Variants in CIC observed in about 807,000 individuals in gnomAD.
CIC encodes capicua transcriptional repressor, also known as protein capicua homolog.
CIC carries 18 observed loss-of-function variants against 115.7 expected under a neutral mutation model. The ratio of observed to expected loss-of-function variants is 0.16; its 90% CI spans 0.11 to 0.23. The LOEUF (loss-of-function observed/expected upper bound fraction) is 0.23, where lower values mean the gene tolerates loss of function less well. CIC is among the 10% of genes least tolerant of loss of function. CIC has a pLI of 1.00. For synonymous variants in CIC, 1,076 were observed against 923.0 expected, an observed-to-expected ratio of 1.17 and a Z score of -3.01; for missense variants, 2,000 against 2,159.3, an observed-to-expected ratio of 0.93 and a Z score of 1.46.
intron 2 of CIC, among the ~76,000 whole-genome samples, chr19:42,275,987 G>A (rs1181848026): frequency 2.0e-5 from 3 of 152,186 alleles, no homozygotes; most frequent in Non-Finnish European, 2.9e-5. Context: ...GGTCAGGGAT[G>A]GGGTGGAGGA....
chr19:42,293,518 A>G (rs770517380), intron 16 of CIC, 74 bp from the exon 17 acceptor site: 178 of 1,609,082 alleles, frequency 1.1e-4, no homozygotes, highest in Non-Finnish European at 1.4e-4. Flanking sequence ...GCTCAGATCC[A>G]ACTCTTTGTT....
chr19:42,293,348 T>C, intron 16 of CIC, 67 bp downstream of exon 16: 7 of 1,479,072 alleles, frequency 4.7e-6, no homozygotes, highest in Non-Finnish European at 6.4e-6. Context: ...ACGTCTTTGC[T>C]TTTCTGTCCT....
chr19:42,284,831 A>G, intron 2 of CIC: 16 of 1,393,998 alleles, frequency 1.1e-5, no homozygotes, highest in Non-Finnish European at 1.6e-5. Context: ...CTAAGTGCGG[A>G]GTAACGGTGG....
intron 2 of CIC, among the ~76,000 whole-genome samples, chr19:42,281,140 G>T (rs1208256419): frequency 6.6e-6 from 1 of 151,322 alleles, no homozygotes; most frequent in Non-Finnish European, 1.5e-5. Flanking sequence ...CCCGGGGTGG[G>T]TGGGTGGGTG....
In CIC at chr19:42,289,065, G is replaced by T. The variant is rs1318843742; in HGVS notation, c.3836G>T (p.Ser1279Ile). 9.9e-6 allele frequency: 16 copies of T among 1,613,686 alleles called. No individual in the cohort carries two copies. The highest frequency in any genetic ancestry group is 1.4e-5 in the Non-Finnish European group (16 of 1,180,036). ...VHSLDGGEVD[S>I]QALQELTQMV... ...AGCCTGGACGGCGGAGAAGTAGACA[G>T]TCAGGCGCTACAGGAACTGACGCAG... is the stretch of plus-strand genomic sequence containing the variant. The change falls in exon 8 of 21, where the codon AGT (serine) becomes ATT (isoleucine). Residue 1279 changes from serine to isoleucine, a missense_variant. Physicochemically the swap from Ser to Ile is moderately radical, Grantham distance 142 (BLOSUM62 -2). Around this residue, in one of 8 missense-constraint regions of CIC, gnomAD observed 1,466 missense variants for 1,390.4 expected, o/e 1.05. Transcript: ENST00000681038.
rs1293850657 is a variant in CIC, at chr19:42,270,166, C to A, written c.-11+785C>A. 1.3e-5 allele frequency among the ~76,000 whole-genome samples: 2 copies of A among 152,180 alleles called. No individual in the cohort carries two copies. The highest frequency in any genetic ancestry group is 2.4e-5 in the African/African-American group (1 of 41,428). ...AGATCTCAGTCCCCAACATGGTAGTCTAGTGGGTCAGCGGGTATTAGGTGG... is the reference window on the plus strand; with the variant it reads ...AGATCTCAGTCCCCAACATGGTAGTATAGTGGGTCAGCGGGTATTAGGTGG... On this transcript the variant is annotated intron_variant, in intron 1 of 20. Transcript: ENST00000681038. This position sits in a 1 kb window ranked among gnomAD's most constrained non-coding sequence, Gnocchi z 4.1.
intron 2 of CIC, among the ~76,000 whole-genome samples, chr19:42,285,907 A>T (rs2037605690): frequency 6.6e-6 from 1 of 152,236 alleles, no homozygotes; most frequent in Admixed American, 6.5e-5. Context: ...GCATATCCTC[A>T]AGGAAACACC....
At chr19:42,281,852 G>T (rs1476962089) in intron 2 of CIC, among the ~76,000 whole-genome samples, 1 of 152,172 alleles carries the variant, frequency 6.6e-6, no homozygotes, top group African/African-American at 2.4e-5. Context: ...CAGATGTGTG[G>T]GGCCCTCTTT....
rs1225499195 is a variant in CIC at position 42,286,808 on chromosome 19, C to T, written c.2832C>T (p.Phe944=). 1.9e-6 allele frequency: 3 copies of T among 1,614,026 alleles called. No individual in the cohort carries two copies. Among genetic ancestry groups the T allele is most frequent in the Non-Finnish European group, 2.5e-6 (3 of 1,180,004 alleles). Residue 944 remains phenylalanine, a synonymous_variant, in exon 3 of 21, where the codon TTC becomes TTT. Transcript: ENST00000681038. The part of the protein sequence containing the change: ...TNVEPRSVAV[F]PWHSLVPFLA... ...TGGAACCTCGCTCTGTGGCTGTGTT[C>T]CCTTGGCACTCCTTAGTCCCCTTCC...
rs1021605301 is a variant in CIC at position 42,295,255 on chromosome 19, C to T, written c.*64C>T. 16 of 1,401,522 alleles carry T rather than the reference C, an allele frequency of 1.1e-5. No individual in the cohort carries two copies. Among genetic ancestry groups the T allele is most frequent in the South Asian group, 2.5e-5 (2 of 79,972 alleles). The allele number at this position is 1,401,522 out of a possible 1,614,324, so 86.8% of individuals were successfully genotyped here. A position where few individuals can be genotyped will look rare whatever the true frequency, so the allele number is the denominator to read the frequency against. Reference sequence around the variant, plus strand: ...TCAGGACATGGACAGTATGTGGGGGCAGGAAGGTTATCTCCTCCCGGGTAA... The same window carrying T: ...TCAGGACATGGACAGTATGTGGGGGTAGGAAGGTTATCTCCTCCCGGGTAA... On this transcript the variant is annotated 3_prime_UTR_variant, in exon 21 of 21. Coordinates refer to ENST00000681038, the MANE Select transcript of CIC (RefSeq NM_001386298.1).
intron 16 of CIC, 52 bp from the exon 17 acceptor site, chr19:42,293,540 C>T (rs1171997274): frequency 5.0e-6 from 8 of 1,612,394 alleles, no homozygotes; most frequent in African/African-American, 1.3e-5. Flanking sequence ...CTGGCCTTTG[C>T]CCCAGAGTCT....
intron 7 of CIC, 143 bp downstream of exon 7, chr19:42,288,118 CG>C: frequency 1.1e-6 from 1 of 907,102 alleles, no homozygotes; most frequent in Non-Finnish European, 1.7e-6. Flanking sequence ...GTAAAGGAAC[CG>C]GCAGTTGATT....
In CIC at chr19:42,290,752, G is replaced by A. The variant is rs2038032205; in HGVS notation, c.4711G>A (p.Ala1571Thr). The A allele has an allele frequency of 1.2e-6, 2 of 1,612,294 alleles. No individual in the cohort carries two copies. Among genetic ancestry groups the A allele is most frequent in the Non-Finnish European group, 1.7e-6 (2 of 1,179,650 alleles). The stretch of plus-strand genomic sequence containing the variant: ...ATCACTGGCCTATGGGGCCCCAGCA[G>A]CTCCCCTGTCCCGTCCTGCCGCCAC... ...APSLAYGAPA[A>T]PLSRPAATMV... Residue 1571 changes from alanine (A) to threonine (T), a missense_variant, in exon 11 of 21, where the codon GCT becomes ACT. This residue lies in a region of CIC where 1,466 missense variants were observed against 1,390.4 expected (regional missense o/e 1.05). Transcript: ENST00000681038.
intron 2 of CIC, among the ~76,000 whole-genome samples, chr19:42,281,915 T>G (rs2147100665): frequency 6.6e-6 from 1 of 152,316 alleles, no homozygotes; most frequent in Admixed American, 6.5e-5. Context: ...GTCGGGGATC[T>G]GGGGGGCAGA....
In CIC at chr19:42,293,960, G is replaced by A. The variant is rs752780532; in HGVS notation, c.6793G>A (p.Glu2265Lys). 21 of 1,613,350 alleles carry A rather than the reference G, an allele frequency of 1.3e-5. No homozygotes were observed. Among genetic ancestry groups the A allele is most frequent in the Admixed American group, 1.7e-5 (1 of 60,004 alleles). The change falls in exon 18 of 21, where the codon GAA (glutamate) becomes AAA (lysine). Residue 2265 changes from glutamate (E) to lysine (K), a missense_variant. Transcript: ENST00000681038. ...CAGGGTCCTGTCAGAAGTGGACTTC[G>A]AAGAGCGCTTTGCTGAGTTGCCTGA... ...DNRVLSEVDF[E>K]ERFAELPEFR...
chr19:42,287,370 A>G lies in CIC; in HGVS notation c.3230A>G (p.Lys1077Arg). 1 of 1,614,010 alleles carries G rather than the reference A, an allele frequency of 6.2e-7. No individual in the cohort carries two copies. Among genetic ancestry groups the G allele is most frequent in the Non-Finnish European group, 8.5e-7 (1 of 1,179,996 alleles). The change falls in exon 5 of 21, where the codon AAA becomes AGA. Residue 1077 changes from lysine (K) to arginine (R), a missense_variant. Physicochemically the swap from Lys to Arg is conservative, Grantham distance 26. This residue lies in a region of CIC where 222 missense variants were observed against 247.7 expected (regional missense o/e 0.90). Transcript: ENST00000681038. The surrounding 1 kb of genome is among the most constrained non-coding windows in gnomAD (Gnocchi z 8.7). ...PEIQLPLPPG[K>R]RRTQSLSALP... ...ATCCAGTTGCCTCTACCGCCCGGAAAACGTCGGACCCAGTCCCTCAGTGCC... is the reference window on the plus strand; with the variant it reads ...ATCCAGTTGCCTCTACCGCCCGGAAGACGTCGGACCCAGTCCCTCAGTGCC...
In CIC at chr19:42,287,126, C is replaced by G; in HGVS notation, c.3065C>G (p.Pro1022Arg). 4.3e-6 allele frequency: 7 copies of G among 1,613,622 alleles called. No homozygotes were observed. The highest frequency in any genetic ancestry group is 5.9e-6 in the Non-Finnish European group (7 of 1,179,928). The change falls in exon 4 of 21, where the codon CCT becomes CGT. Residue 1022 changes from proline (P) to arginine (R), a missense_variant. This residue lies in a region of CIC where 222 missense variants were observed against 247.7 expected (regional missense o/e 0.90). Coordinates refer to ENST00000681038, the MANE Select transcript of CIC (RefSeq NM_001386298.1). The surrounding 1 kb of genome is among the most constrained non-coding windows in gnomAD (Gnocchi z 8.7). ...PESPGPGPPH[P>R]LGVVESGKGP... ...AGCCCAGGACCCGGACCCCCACACC[C>G]TTTGGGGGTGGTGGAATCTGGTAAG...
rs377435809 is a variant in CIC, at chr19:42,291,688, A to G, written c.5556A>G (p.Pro1852=). 1.7e-5 allele frequency: 27 copies of G among 1,612,784 alleles called. No homozygotes were observed. The African/African-American group carries it at 2.9e-4, about 18-fold the overall frequency. Residue 1852 remains proline, a synonymous_variant, in exon 12 of 21, where the codon CCA becomes CCG. Coordinates refer to ENST00000681038, the MANE Select transcript of CIC (RefSeq NM_001386298.1). ...GTGGAGGGGCCGGCCAGCCACTGCC[A>G]CTGGTGAGCCCGCCCTTCTCAGTAC... The part of the protein sequence containing the change: ...VRGGGAGQPL[P]LVSPPFSVPV...
chr19:42,282,664 G>A (rs1012766300), intron 2 of CIC, among the ~76,000 whole-genome samples: 9 of 152,354 alleles, frequency 5.9e-5, no homozygotes, highest in African/African-American at 1.9e-4. Flanking sequence ...CAGCACTTGA[G>A]TTAGAGCTCT....
Sources: gnomAD v4.1 joint callset for allele counts (sites outside exome capture counted in the v4.1 genomes callset) on GRCh38, gnomAD v4.1.1 for gene constraint, gnomAD v4.1.1 regional missense constraint, Gnocchi (gnomAD v3.1) non-coding constraint, MANE v1.5 for transcripts, NCBI Gene and HGNC (gene_info 2026-07-23, HGNC 2026-07-21) for gene names.